Variants in TRIM62 observed in about 807,000 individuals in gnomAD.
The protein encoded by TRIM62 is tripartite motif containing 62, also known as E3 ubiquitin-protein ligase TRIM62.
Under a neutral mutation model 44.2 loss-of-function variants are expected in TRIM62, and 39 were observed. The observed-to-expected ratio is 0.88, with a 90% confidence interval of 0.68 to 1.15. TRIM62 has a LOEUF of 1.15. TRIM62 is among the 50% of genes most tolerant of loss of function. The pLI is 0.00. For synonymous variants in TRIM62, 278 were observed against 292.3 expected, an observed-to-expected ratio of 0.95 and a Z score of 0.50; for missense variants, 544 against 665.5, an observed-to-expected ratio of 0.82 and a Z score of 2.01.
In TRIM62 at chr1:33,181,617, G is replaced by T; in HGVS notation, c.-185C>A. 1.7e-6 allele frequency: 2 copies of T among 1,152,340 alleles called. No individual in the cohort carries two copies. Among genetic ancestry groups the T allele is most frequent in the Non-Finnish European group, 2.3e-6 (2 of 855,450 alleles). 71.4% of individuals were successfully genotyped at this position (1,152,340 alleles called of 1,614,324 possible). A position where few individuals can be genotyped will look rare whatever the true frequency, so the allele number is the denominator to read the frequency against. On this transcript the variant is annotated 5_prime_UTR_variant, in exon 1 of 5. Coordinates refer to ENST00000291416, the MANE Select transcript of TRIM62 (RefSeq NM_018207.3). The surrounding 1 kb of genome is among the most constrained non-coding windows in gnomAD (Gnocchi z 6.5). ...GGGTAACGCGAGGAAGGGGTGCGCG[G>T]CTGAGACTCCGTGGGACGCCAGCCC...
At chr1:33,178,990 A>G (rs1329476802) in intron 1 of TRIM62, among the ~76,000 whole-genome samples, 1 of 152,214 alleles carries the variant, frequency 6.6e-6, no homozygotes, top group African/African-American at 2.4e-5. Flanking sequence ...ATCAGAGAAG[A>G]GGGATCTGGG....
rs528194036 is a variant in TRIM62, at chr1:33,174,012, A to T, written c.408+7013T>A. On this transcript the variant is annotated intron_variant, in intron 1 of 4. Transcript: ENST00000291416. ...AAGCCACTGTGCTTAGCCTCTTTTT[A>T]AAAAAAATTTTATTGAGGTAAAATA... Among the ~76,000 whole-genome samples the T allele has an allele frequency of 7.9e-5, 12 of 151,856 alleles. No homozygotes were observed. In the East Asian group the frequency reaches 1.2e-3, roughly 15 times the overall value.
At chr1:33,176,720 C>T (rs1428570428) in intron 1 of TRIM62, among the ~76,000 whole-genome samples, 1 of 152,196 alleles carries the variant, frequency 6.6e-6, no homozygotes, top group Non-Finnish European at 1.5e-5. Context: ...GGTATGTGGC[C>T]TAGTCAGACT....
chr1:33,160,490 C>T (rs1386757100), intron 2 of TRIM62, among the ~76,000 whole-genome samples: 5 of 152,022 alleles, frequency 3.3e-5, no homozygotes, highest in South Asian at 4.1e-4. Context: ...TTGCAACCTC[C>T]ACCTCCTGGG....
chr1:33,154,909 C>T (rs1202139245), intron 4 of TRIM62, among the ~76,000 whole-genome samples: 8 of 151,318 alleles, frequency 5.3e-5, no homozygotes, highest in East Asian at 2.0e-4. Flanking sequence ...CTGGCTAACA[C>T]GGTGAAACCC....
At chr1:33,152,142 C>T (rs891838514) in intron 4 of TRIM62, among the ~76,000 whole-genome samples, 3 of 152,212 alleles carry the variant, frequency 2.0e-5, no homozygotes, top group African/African-American at 7.2e-5. Context: ...GACTGAGGCT[C>T]CAAGGAGACA....
chr1:33,155,895 C>T (rs531296056), intron 4 of TRIM62, among the ~76,000 whole-genome samples: 8 of 152,286 alleles, frequency 5.3e-5, no homozygotes, highest in African/African-American at 1.9e-4. Context: ...TGTTTCAGAC[C>T]TTCTTCTCTA....
At position 33,145,990 on chromosome 1, in the gene TRIM62, G is replaced by T; in HGVS notation, c.*1187C>A. On this transcript the variant is annotated 3_prime_UTR_variant, in exon 5 of 5. Transcript: ENST00000291416. ...GAAGTGGGAGAGGGGCAGGCCTCAG[G>T]ACATCTATTGGCTGGCACGGACCGT... The T allele has an allele frequency of 2.2e-6, 1 of 463,774 alleles. No homozygotes were observed. 28.7% of individuals were successfully genotyped at this position (463,774 alleles called of 1,614,324 possible). A position where few individuals can be genotyped will look rare whatever the true frequency, so the allele number is the denominator to read the frequency against.
intron 4 of TRIM62, among the ~76,000 whole-genome samples, chr1:33,149,148 T>C (rs1289741768): frequency 6.6e-6 from 1 of 152,178 alleles, no homozygotes; most frequent in Non-Finnish European, 1.5e-5. Context: ...CTTTTGCCTC[T>C]TCTTTTTCTT....
chr1:33,150,613 G>A (rs1645082705), intron 4 of TRIM62, among the ~76,000 whole-genome samples: 1 of 152,202 alleles, frequency 6.6e-6, no homozygotes, highest in African/African-American at 2.4e-5. Flanking sequence ...AAGAGAGGAC[G>A]GCCACTGAGT....
intron 1 of TRIM62, among the ~76,000 whole-genome samples, chr1:33,179,063 C>T (rs948763353): frequency 3.9e-5 from 6 of 152,246 alleles, no homozygotes; most frequent in Non-Finnish European, 7.3e-5. Flanking sequence ...GGGCAAGTCA[C>T]ATAACTTCTC....
At chr1:33,174,422 A>C (rs1279451644) in intron 1 of TRIM62, among the ~76,000 whole-genome samples, 3 of 152,126 alleles carry the variant, frequency 2.0e-5, no homozygotes, top group African/African-American at 7.2e-5. Context: ...GGGCTCAAGC[A>C]ATCCTCTTGC....
intron 1 of TRIM62, among the ~76,000 whole-genome samples, chr1:33,171,844 C>A (rs918527879): frequency 6.6e-6 from 1 of 152,048 alleles, no homozygotes; most frequent in Non-Finnish European, 1.5e-5. Context: ...TGTAGTGGTG[C>A]GATCTTGGCT....
rs908453941 is a variant in TRIM62, at chr1:33,161,507, G to C, written c.505-1563C>G. Reference sequence around the variant, plus strand: ...AATTAGGGCCTGTTCCCTCCCCGACGCGCGGCTGCTGGCCTGCAGGAAGAA... The same window carrying C: ...AATTAGGGCCTGTTCCCTCCCCGACCCGCGGCTGCTGGCCTGCAGGAAGAA... On this transcript the variant is annotated intron_variant, in intron 2 of 4. Coordinates refer to ENST00000291416, the MANE Select transcript of TRIM62 (RefSeq NM_018207.3). The surrounding 1 kb of genome is among the most constrained non-coding windows in gnomAD (Gnocchi z 4.3). Among the ~76,000 whole-genome samples the C allele has an allele frequency of 6.6e-6, 1 of 152,272 alleles. No individual in the cohort carries two copies.
chr1:33,168,377 C>G (rs1206298513), intron 1 of TRIM62, among the ~76,000 whole-genome samples: 1 of 115,156 alleles, frequency 8.7e-6, no homozygotes, highest in Non-Finnish European at 1.9e-5. Context: ...AGCTGGCTGT[C>G]TGAGAAAAAC....
intron 1 of TRIM62, among the ~76,000 whole-genome samples, chr1:33,174,460 A>G (rs1288497072): frequency 6.6e-6 from 1 of 152,144 alleles, no homozygotes; most frequent in Non-Finnish European, 1.5e-5. Context: ...CTGGAGTTAC[A>G]GGTGTGAGCT....
Position 33,161,615 on chromosome 1 carries a change from T to C in TRIM62, c.505-1671A>G, listed in dbSNP as rs1427870256. On this transcript the variant is annotated intron_variant, in intron 2 of 4. Transcript: ENST00000291416. This position sits in a 1 kb window ranked among gnomAD's most constrained non-coding sequence, Gnocchi z 4.3. ...AGGGGGGCGGACGAGAGTCTGGGGA[T>C]GCACGGCCAGGCTGCCGTGGCCTTC... Among the ~76,000 whole-genome samples, 1 of 151,772 alleles carries C rather than the reference T, an allele frequency of 6.6e-6. No homozygotes were observed. Among genetic ancestry groups the C allele is most frequent in the Non-Finnish European group, 1.5e-5 (1 of 67,890 alleles).
rs1424933942 is a variant in TRIM62, at chr1:33,165,373, AC to A, written c.504+97del. 1.9e-5 allele frequency: 22 copies of A among 1,150,366 alleles called. No individual in the cohort carries two copies. Among genetic ancestry groups the A allele is most frequent in the South Asian group, 1.1e-4 (7 of 64,708 alleles). The allele number at this position is 1,150,366 out of a possible 1,614,324, so 71.3% of individuals were successfully genotyped here. ...CTCCTTGAAGCCAGGTTTCCACCGC[AC>A]ACCCGAGGCCCCGCCCCTCTTCCCC... is the stretch of plus-strand genomic sequence containing the variant. On this transcript the variant is annotated intron_variant, in intron 2 of 4. Transcript: ENST00000291416. The surrounding 1 kb of genome is among the most constrained non-coding windows in gnomAD (Gnocchi z 4.0).
At chr1:33,157,881 C>T (rs555894968) in intron 4 of TRIM62, among the ~76,000 whole-genome samples, 44 of 151,888 alleles carry the variant, frequency 2.9e-4, no homozygotes, top group African/African-American at 6.5e-4. Flanking sequence ...CTCAGCCTCT[C>T]GAGTAGCTGG....
Sources: gnomAD v4.1 joint callset for allele counts (sites outside exome capture counted in the v4.1 genomes callset) on GRCh38, gnomAD v4.1.1 for gene constraint, Gnocchi (gnomAD v3.1) non-coding constraint, MANE v1.5 for transcripts, NCBI Gene and HGNC (gene_info 2026-07-23, HGNC 2026-07-21) for gene names.